Variants in COL19A1 observed in about 807,000 individuals in gnomAD.
COL19A1 encodes the protein collagen type XIX alpha 1 chain, also known as collagen alpha-1(XIX) chain.
Under a neutral mutation model 190.2 loss-of-function variants are expected in COL19A1, and 159 were observed. The ratio of observed to expected loss-of-function variants is 0.84; its 90% CI spans 0.73 to 0.95. The LOEUF is 0.95. Among genes scored for constraint, COL19A1 ranks in the 40% least tolerant of loss-of-function variants. COL19A1 has a pLI of 0.00. For synonymous variants in COL19A1, 509 were observed against 458.9 expected (o/e 1.11, Z -1.39); for missense variants, 1,418 against 1,431.9 (o/e 0.99, Z 0.16).
chr6:69,930,077 G>T (rs1772655031), intron 6 of COL19A1, among the ~76,000 whole-genome samples: 1 of 152,114 alleles, frequency 6.6e-6, no homozygotes, highest in East Asian at 1.9e-4. Context: ...ATGGTTCCAG[G>T]TTATCTGCTA....
chr6:69,998,954 T>C (rs781251453), intron 11 of COL19A1, among the ~76,000 whole-genome samples: 2 of 151,992 alleles, frequency 1.3e-5, no homozygotes, highest in Non-Finnish European at 2.9e-5. Context: ...AGTTTATGTT[T>C]ATCTTTTTTT....
intron 12 of COL19A1, among the ~76,000 whole-genome samples, chr6:70,026,969 A>G (rs939710799): frequency 7.2e-5 from 11 of 152,202 alleles, no homozygotes; most frequent in African/African-American, 2.2e-4. Context: ...TCTGCAAACT[A>G]AAGTAATTCA....
intron 47 of COL19A1, among the ~76,000 whole-genome samples, chr6:70,189,626 G>T (rs952248229): frequency 2.6e-5 from 4 of 152,098 alleles, no homozygotes; most frequent in Non-Finnish European, 5.9e-5. Flanking sequence ...AAACATTACT[G>T]TTATAAATGT....
At chr6:69,959,938 A>C in intron 9 of COL19A1, 58 bp from the exon 10 acceptor site, 1 of 1,525,538 alleles carries the variant, frequency 6.6e-7, no homozygotes, top group South Asian at 1.2e-5. Flanking sequence ...GACCACAAAA[A>C]CGTCTATGTT....
rs1770085753 is a variant in COL19A1 at position 69,900,229 on chromosome 6, C to T, written c.167-10C>T. The T allele has an allele frequency of 1.3e-6, 2 of 1,518,992 alleles. No individual in the cohort carries two copies. The highest frequency in any genetic ancestry group is 2.8e-5 in the African/African-American group (2 of 71,934). 94.1% of individuals were successfully genotyped at this position (1,518,992 alleles called of 1,614,324 possible). A position where few individuals can be genotyped will look rare whatever the true frequency, so the allele number is the denominator to read the frequency against. Reference sequence around the variant, plus strand: ...GTTTATTAAATTGAATCATCTGTTACATTTTACAGGTTTTGATCTAGGAGA... The same window carrying T: ...GTTTATTAAATTGAATCATCTGTTATATTTTACAGGTTTTGATCTAGGAGA... On this transcript the variant is annotated splice_polypyrimidine_tract_variant and intron_variant, in intron 3 of 50. Coordinates refer to ENST00000620364, the MANE Select transcript of COL19A1 (RefSeq NM_001858.6).
intron 42 of COL19A1, among the ~76,000 whole-genome samples, chr6:70,177,118 G>T (rs766581083): frequency 6.6e-6 from 1 of 152,066 alleles, no homozygotes; most frequent in Non-Finnish European, 1.5e-5. Flanking sequence ...AAATGAATAG[G>T]AAGTGTTCCA....
chr6:70,187,054 AT>A (rs1429141265), intron 46 of COL19A1, among the ~76,000 whole-genome samples: 1 of 151,766 alleles, frequency 6.6e-6, no homozygotes, highest in East Asian at 1.9e-4. Context: ...ATTTTTTTGT[AT>A]TTTTAGTAGA....
chr6:70,098,081 C>T (rs1249491557), intron 15 of COL19A1, among the ~76,000 whole-genome samples: 2 of 152,152 alleles, frequency 1.3e-5, no homozygotes, highest in African/African-American at 4.8e-5. Flanking sequence ...CATCAGGAGC[C>T]TTCTTCCTGT....
chr6:70,121,881 G>A lies in COL19A1; in HGVS notation c.1280G>A (p.Gly427Glu). Residue 427 changes from glycine to glutamate, a missense_variant and splice_region_variant, in exon 17 of 51, where the codon GGA (glycine) becomes GAA (glutamate). Coordinates refer to ENST00000620364, the MANE Select transcript of COL19A1 (RefSeq NM_001858.6). The part of the protein sequence containing the change: ...PGKPGPPGPP[G>E]PPGIQGIHQT... Reference sequence around the variant, plus strand: ...GTCTTTGATTTGTTTATAATACAGGGACCTCCTGGAATACAAGGAATACAC... The same window carrying A: ...GTCTTTGATTTGTTTATAATACAGGAACCTCCTGGAATACAAGGAATACAC... The A allele has an allele frequency of 1.3e-6, 2 of 1,571,018 alleles. No homozygotes were observed. Among genetic ancestry groups the A allele is most frequent in the Non-Finnish European group, 1.7e-6 (2 of 1,156,468 alleles).
rs1409248159 is a variant in COL19A1, at chr6:69,938,164, G to A, written c.936+64G>A. On this transcript the variant is annotated intron_variant, in intron 9 of 50. Transcript: ENST00000620364. ...TTGTTAAAAAATGACTTAAAAATGT[G>A]TTCATCTCATTTTTCTTTATTCTGT... 4 of 1,459,808 alleles carry A rather than the reference G, an allele frequency of 2.7e-6. No individual in the cohort carries two copies. In the Admixed American group the frequency reaches 7.5e-5, roughly 27 times the overall value. 90.4% of individuals were successfully genotyped at this position (1,459,808 alleles called of 1,614,324 possible). A position where few individuals can be genotyped will look rare whatever the true frequency, so the allele number is the denominator to read the frequency against.
intron 11 of COL19A1, among the ~76,000 whole-genome samples, chr6:70,018,728 T>C (rs957773791): frequency 1.3e-5 from 2 of 152,032 alleles, no homozygotes; most frequent in Non-Finnish European, 2.9e-5. Context: ...AAAGGGTGCA[T>C]GTTTTGAGCT....
rs1174942428 is a variant in COL19A1 at position 70,212,030 on chromosome 6, A to G, written c.*4756A>G. On this transcript the variant is annotated 3_prime_UTR_variant, in exon 51 of 51. Coordinates refer to ENST00000620364, the MANE Select transcript of COL19A1 (RefSeq NM_001858.6). ...CTAATAAAGTGGGAGGCTTCACTAA[A>G]TGAGGGGGTAAATAAGATTTAAGTT... Among the ~76,000 whole-genome samples, 1 of 152,180 alleles carries G rather than the reference A, an allele frequency of 6.6e-6. No homozygotes were observed. Among genetic ancestry groups the G allele is most frequent in the Non-Finnish European group, 1.5e-5 (1 of 68,028 alleles).
intron 4 of COL19A1, among the ~76,000 whole-genome samples, chr6:69,925,769 TG>T (rs556221764): frequency 0.013 from 1,931 of 152,280 alleles, 42 homozygotes; most frequent in African/African-American, 0.037. Context: ...CATTGAGCAG[TG>T]GTTTGTAGTT....
chr6:70,141,844 T>A, intron 20 of COL19A1, 49 bp from the exon 21 acceptor site: 1 of 1,226,678 alleles, frequency 8.2e-7, no homozygotes, highest in Non-Finnish European at 1.2e-6. Flanking sequence ...AGATGTCCAT[T>A]TCCATCTGAA....
chr6:70,154,390 G>T (rs181772076), intron 31 of COL19A1, among the ~76,000 whole-genome samples: 94 of 152,170 alleles, frequency 6.2e-4, no homozygotes, highest in African/African-American at 2.2e-3. Flanking sequence ...CCAAGTCTTT[G>T]CTGTTGTGAA....
At chr6:69,879,849 TC>T (rs1334493462) in intron 2 of COL19A1, 191 bp downstream of exon 2, 7 of 597,300 alleles carry the variant, frequency 1.2e-5, no homozygotes, top group Admixed American at 6.1e-5. Context: ...CTCATTTTTT[TC>T]ATACGCATAG....
At chr6:69,950,559 C>A (rs190485107) in intron 9 of COL19A1, among the ~76,000 whole-genome samples, 1 of 151,694 alleles carries the variant, frequency 6.6e-6, no homozygotes, top group African/African-American at 2.4e-5. Context: ...AGGTAGCTGG[C>A]GACTTCTGGT....
intron 11 of COL19A1, among the ~76,000 whole-genome samples, chr6:70,021,073 A>G (rs1582700252): frequency 6.6e-6 from 1 of 152,290 alleles, no homozygotes; most frequent in South Asian, 2.1e-4. Context: ...TAAATATTGA[A>G]TGAGCGTTTT....
rs115015588 is a variant in COL19A1, at chr6:70,008,507, G to A, written c.1027-15120G>A. ...TGACTCAAGAACAAATAGAAGAATTGTATAGTCCTATTTCAGTTGTATACA... is the reference window on the plus strand; with the variant it reads ...TGACTCAAGAACAAATAGAAGAATTATATAGTCCTATTTCAGTTGTATACA... On this transcript the variant is annotated intron_variant, in intron 11 of 50. Transcript: ENST00000620364. Among the ~76,000 whole-genome samples, 431 of 152,006 alleles carry A rather than the reference G, an allele frequency of 2.8e-3. 4 individuals are homozygous for A. The highest frequency in any genetic ancestry group is 9.6e-3 in the African/African-American group (400 of 41,538).
Sources: gnomAD v4.1 joint callset for allele counts (sites outside exome capture counted in the v4.1 genomes callset) on GRCh38, gnomAD v4.1.1 for gene constraint, MANE v1.5 for transcripts, NCBI Gene and HGNC (gene_info 2026-07-23, HGNC 2026-07-21) for gene names.